Variants in PARD3B observed in about 807,000 individuals in gnomAD.
PARD3B encodes par-3 family cell polarity regulator beta, also known as partitioning defective 3 homolog B.
In PARD3B, 103 loss-of-function variants were observed where a neutral mutation model predicts 130.2. That is an observed-to-expected ratio of 0.79 (90% CI 0.67 to 0.93). PARD3B has a LOEUF of 0.93. Ranked by LOEUF, PARD3B falls within the 40% of genes least tolerant of loss-of-function variation. PARD3B has a pLI of 0.00. For missense variants in PARD3B, 1,609 were observed against 1,499.2 expected (o/e 1.07, Z -1.21); for synonymous variants, 583 against 553.2 (o/e 1.05, Z -0.76).
rs1411135725 is a variant in PARD3B at position 205,253,348 on chromosome 2, T to A, written c.2185+7526T>A. On this transcript the variant is annotated intron_variant, in intron 16 of 22. Coordinates refer to ENST00000406610, the MANE Select transcript of PARD3B (RefSeq NM_001302769.2). The surrounding 1 kb of genome is among the most constrained non-coding windows in gnomAD (Gnocchi z 4.4). ...GAGGCCATGGAACCGATGGAACTGATGGAGGAAATGCTGGGACTGTGGGTC... is the reference window on the plus strand; with the variant it reads ...GAGGCCATGGAACCGATGGAACTGAAGGAGGAAATGCTGGGACTGTGGGTC... The A allele has an allele frequency of 1.8e-6, 1 of 553,584 alleles. No homozygotes were observed. Among genetic ancestry groups the A allele is most frequent in the Non-Finnish European group, 3.6e-6 (1 of 274,266 alleles). 34.3% of individuals were successfully genotyped at this position (553,584 alleles called of 1,614,324 possible).
intron 18 of PARD3B, among the ~76,000 whole-genome samples, chr2:205,394,557 T>C (rs1574907696): frequency 6.6e-6 from 1 of 152,168 alleles, no homozygotes; most frequent in Admixed American, 6.6e-5. Context: ...AGCAGCCTTA[T>C]TTACAATAGC....
intron 2 of PARD3B, among the ~76,000 whole-genome samples, chr2:204,788,254 C>A (rs1365633280): frequency 6.6e-6 from 1 of 152,300 alleles, no homozygotes; most frequent in Non-Finnish European, 1.5e-5. Flanking sequence ...AAGAAGATAG[C>A]CACTGCCTTC....
At chr2:205,219,580 A>G (rs886922718) in intron 15 of PARD3B, among the ~76,000 whole-genome samples, 5 of 125,758 alleles carry the variant, frequency 4.0e-5, no homozygotes, top group Non-Finnish European at 8.6e-5. Flanking sequence ...TTTTGATAGC[A>G]CTTATTGTAG....
rs527244373 is a variant in PARD3B at position 205,609,132 on chromosome 2, C to T, written c.3261-6324C>T. On this transcript the variant is annotated intron_variant, in intron 22 of 22. Transcript: ENST00000406610. ...GCCGAAATCAAAGCTATGTAATATA[C>T]GTTGCAGAGGGCTCTGCTAATCCTT... Among the ~76,000 whole-genome samples, 92 of 152,244 alleles carry T rather than the reference C, an allele frequency of 6.0e-4. 1 individual carries two copies. The highest frequency in any genetic ancestry group is 1.2e-3 in the South Asian group (6 of 4,826).
At chr2:204,774,923 C>G (rs994951975) in intron 2 of PARD3B, among the ~76,000 whole-genome samples, 1 of 152,096 alleles carries the variant, frequency 6.6e-6, no homozygotes, top group African/African-American at 2.4e-5. Flanking sequence ...TTTCTCAGTG[C>G]TTTCACAGAT....
intron 4 of PARD3B, among the ~76,000 whole-genome samples, chr2:205,100,640 A>G (rs1016633758): frequency 1.3e-5 from 2 of 152,178 alleles, no homozygotes; most frequent in Non-Finnish European, 1.5e-5. Flanking sequence ...ATAGACAGGT[A>G]TAGATCAATG....
At position 205,158,261 on chromosome 2, in the gene PARD3B, A is replaced by G. The variant is rs1208479759; in HGVS notation, c.1435-461A>G. ...GTAAATGATATGTTTTAAATTATATATGCCCCATATTTTCCTGAAATTTTA... is the reference window on the plus strand; with the variant it reads ...GTAAATGATATGTTTTAAATTATATGTGCCCCATATTTTCCTGAAATTTTA... On this transcript the variant is annotated intron_variant, in intron 10 of 22. Transcript: ENST00000406610. This position sits in a 1 kb window ranked among gnomAD's most constrained non-coding sequence, Gnocchi z 5.4. 3.3e-5 allele frequency among the ~76,000 whole-genome samples: 5 copies of G among 152,138 alleles called. No individual in the cohort carries two copies. Among genetic ancestry groups the G allele is most frequent in the Non-Finnish European group, 5.9e-5 (4 of 68,030 alleles).
At position 204,741,505 on chromosome 2, in the gene PARD3B, T is replaced by G. The variant is rs1402783939; in HGVS notation, c.222+55223T>G. 2.0e-5 allele frequency among the ~76,000 whole-genome samples: 3 copies of G among 152,142 alleles called. No homozygotes were observed. The East Asian group carries it at 5.8e-4, about 29-fold the overall frequency. On this transcript the variant is annotated intron_variant, in intron 2 of 22. Coordinates refer to ENST00000406610, the MANE Select transcript of PARD3B (RefSeq NM_001302769.2). The stretch of plus-strand genomic sequence containing the variant: ...TCATGATATGGTCTTAGTTCATAAT[T>G]CAGTATTTCCTTAGATTTATAGTGT...
At chr2:204,764,744 A>T (rs920450860) in intron 2 of PARD3B, among the ~76,000 whole-genome samples, 43 of 22,258 alleles carry the variant, frequency 1.9e-3, no homozygotes, top group African/African-American at 3.2e-3. Context: ...GTGTGTGTGT[A>T]GTTAATTTTT....
At chr2:205,370,057 G>GT in intron 18 of PARD3B, among the ~76,000 whole-genome samples, 1 of 152,166 alleles carries the variant, frequency 6.6e-6, no homozygotes, top group Admixed American at 6.5e-5. Flanking sequence ...CCCCAAGGAC[G>GT]TGCCTTCAGA....
intron 2 of PARD3B, among the ~76,000 whole-genome samples, chr2:204,921,934 T>G (rs545314428): frequency 6.6e-6 from 1 of 152,002 alleles, no homozygotes; most frequent in Non-Finnish European, 1.5e-5. Context: ...TGTACAACTG[T>G]TGGGATGTTG....
intron 2 of PARD3B, among the ~76,000 whole-genome samples, chr2:204,859,355 T>A (rs1411842970): frequency 6.6e-6 from 1 of 152,110 alleles, no homozygotes; most frequent in Admixed American, 6.5e-5. Flanking sequence ...TAGAAATGGA[T>A]GAGAATAGCC....
intron 6 of PARD3B, among the ~76,000 whole-genome samples, chr2:205,117,212 T>C (rs1484048174): frequency 1.3e-5 from 2 of 152,232 alleles, no homozygotes; most frequent in African/African-American, 4.8e-5. Flanking sequence ...TTTTAATGTG[T>C]CAAATAGTTT....
intron 2 of PARD3B, among the ~76,000 whole-genome samples, chr2:204,932,962 T>A (rs1688138579): frequency 6.6e-6 from 1 of 152,194 alleles, no homozygotes; most frequent in South Asian, 2.1e-4. Context: ...GAGGGTTATG[T>A]ATTATTCAAT....
At chr2:205,502,858 C>G (rs958181548) in intron 21 of PARD3B, among the ~76,000 whole-genome samples, 44 of 152,164 alleles carry the variant, frequency 2.9e-4, no homozygotes, top group Non-Finnish European at 7.4e-5. Flanking sequence ...CCTGGACTTT[C>G]TAGATCTTCT....
chr2:205,436,255 T>A (rs911404196), intron 19 of PARD3B, among the ~76,000 whole-genome samples: 41 of 152,322 alleles, frequency 2.7e-4, no homozygotes, highest in African/African-American at 9.9e-4. Context: ...TATCAACACA[T>A]GAATTTTGGG....
chr2:205,101,451 C>G (rs775426326), intron 4 of PARD3B, among the ~76,000 whole-genome samples: 7 of 152,118 alleles, frequency 4.6e-5, no homozygotes, highest in Non-Finnish European at 8.8e-5. Context: ...GCAAATTATT[C>G]AGACATGTGG....
chr2:205,301,593 A>G lies in PARD3B; in HGVS notation c.2522A>G (p.Glu841Gly), dbSNP rs1367108237. ...ARKVKKTKEK[E>G]KKKEKGKLKV... The stretch of plus-strand genomic sequence containing the variant: ...AAAGTCAAAAAAACGAAAGAGAAGG[A>G]GAAGAAAAAGGAAAAGGGCAAATTG... The change falls in exon 18 of 23, where the codon GAG becomes GGG. Residue 841 changes from glutamate (E) to glycine (G), a missense_variant. Glu to Gly is a moderately conservative substitution (Grantham distance 98, BLOSUM62 -2). Transcript: ENST00000406610. This position sits in a 1 kb window ranked among gnomAD's most constrained non-coding sequence, Gnocchi z 5.2. 4 of 1,613,932 alleles carry G rather than the reference A, an allele frequency of 2.5e-6. No homozygotes were observed. Among genetic ancestry groups the G allele is most frequent in the Non-Finnish European group, 2.5e-6 (3 of 1,179,986 alleles).
At chr2:205,087,836 C>A (rs1575745361) in intron 4 of PARD3B, among the ~76,000 whole-genome samples, 1 of 152,102 alleles carries the variant, frequency 6.6e-6, no homozygotes, top group South Asian at 2.1e-4. Flanking sequence ...CTTGAAGTGA[C>A]CCTGACCATC....
Sources: gnomAD v4.1 joint callset for allele counts (sites outside exome capture counted in the v4.1 genomes callset) on GRCh38, gnomAD v4.1.1 for gene constraint, Gnocchi (gnomAD v3.1) non-coding constraint, MANE v1.5 for transcripts, NCBI Gene and HGNC (gene_info 2026-07-23, HGNC 2026-07-21) for gene names.